The following SCFD2 variants were observed in gnomAD, a reference collection of about 807,000 sequenced individuals.
SCFD2 encodes the protein sec1 family domain containing 2.
Under a neutral mutation model 58.9 loss-of-function variants are expected in SCFD2, and 54 were observed. The ratio of observed to expected loss-of-function variants is 0.92; its 90% CI spans 0.74 to 1.15. The LOEUF (loss-of-function observed/expected upper bound fraction) is 1.15. SCFD2 is among the 50% of genes most tolerant of loss of function. The pLI is 0.00. For synonymous variants in SCFD2, 321 were observed against 335.9 expected (o/e 0.96, Z 0.49); for missense variants, 805 against 836.6 (o/e 0.96, Z 0.47).
chr4:53,232,692 T>A (rs1729475907), intron 4 of SCFD2, among the ~76,000 whole-genome samples: 1 of 152,208 alleles, frequency 6.6e-6, no homozygotes, highest in Middle Eastern at 3.2e-3. Flanking sequence ...AAGAAAGAGC[T>A]GAGGAAAGCC....
chr4:53,036,823 C>T (rs1284887474), intron 5 of SCFD2, among the ~76,000 whole-genome samples: 1 of 152,050 alleles, frequency 6.6e-6, no homozygotes, highest in Non-Finnish European at 1.5e-5. Flanking sequence ...GCACATGTAT[C>T]CCAAAACTTA....
In SCFD2 at chr4:53,342,340, A is replaced by G. The variant is rs1733907070; in HGVS notation, c.1007+10258T>C. ...TGGATAAAACAGACTTTAAACCAAC[A>G]AAGATCAAAAGAGACAAAGAAGGCC... On this transcript the variant is annotated intron_variant, in intron 2 of 8. Coordinates refer to ENST00000401642, the MANE Select transcript of SCFD2 (RefSeq NM_152540.4). 5.3e-5 allele frequency among the ~76,000 whole-genome samples: 8 copies of G among 152,336 alleles called. 1 individual carries two copies. The South Asian group carries it at 1.4e-3, about 28-fold the overall frequency.
At chr4:53,014,996 C>T (rs148184382) in intron 5 of SCFD2, among the ~76,000 whole-genome samples, 260 of 152,238 alleles carry the variant, frequency 1.7e-3, no homozygotes, top group Non-Finnish European at 2.6e-3. Flanking sequence ...TGGTGTAGTA[C>T]TTAGTAGCAG....
chr4:53,287,153 G>A (rs1014290417), intron 3 of SCFD2, among the ~76,000 whole-genome samples: 1 of 152,080 alleles, frequency 6.6e-6, no homozygotes, highest in Non-Finnish European at 1.5e-5. Context: ...CCAACTTTGT[G>A]GGAGAGTTTC....
intron 4 of SCFD2, among the ~76,000 whole-genome samples, chr4:53,255,184 CT>C (rs879843773): frequency 2.6e-3 from 303 of 114,502 alleles, no homozygotes; most frequent in Non-Finnish European, 3.7e-3. Flanking sequence ...ACTTCCTATT[CT>C]TTTTTTTTCT....
chr4:53,009,117 C>T (rs1275356218), intron 5 of SCFD2, among the ~76,000 whole-genome samples: 3 of 152,182 alleles, frequency 2.0e-5, no homozygotes, highest in Admixed American at 6.5e-5. Context: ...ATTCCTACTA[C>T]TTGCAAACTA....
At chr4:53,283,812 A>T (rs551944547) in intron 3 of SCFD2, among the ~76,000 whole-genome samples, 10 of 152,148 alleles carry the variant, frequency 6.6e-5, no homozygotes, top group African/African-American at 2.4e-4. Flanking sequence ...CCGTAACGTA[A>T]CATAATTTTA....
intron 4 of SCFD2, among the ~76,000 whole-genome samples, chr4:53,236,835 TATTTATTTATTTA>T (rs893913188): frequency 1.3e-4 from 19 of 140,968 alleles, no homozygotes; most frequent in South Asian, 9.1e-4. Context: ...TTTATTTATT[TATTTATTTATTTA>T]TTTATTTTTT....
At chr4:53,132,214 A>G (rs1215390019) in intron 5 of SCFD2, among the ~76,000 whole-genome samples, 2 of 152,260 alleles carry the variant, frequency 1.3e-5, no homozygotes, top group African/African-American at 4.8e-5. Context: ...TGTATTAAAC[A>G]TCTTAAACTT....
intron 5 of SCFD2, among the ~76,000 whole-genome samples, chr4:53,123,145 A>G (rs187802938): frequency 6.6e-6 from 1 of 152,264 alleles, no homozygotes; most frequent in East Asian, 1.9e-4. Context: ...GGATATTTAC[A>G]GTTTTCATTT....
chr4:53,196,843 A>G (rs1728073803), intron 4 of SCFD2, among the ~76,000 whole-genome samples: 1 of 152,156 alleles, frequency 6.6e-6, no homozygotes, highest in African/African-American at 2.4e-5. Flanking sequence ...TACTCAATGC[A>G]AAAGAATACA....
At chr4:53,091,229 G>A (rs556648291) in intron 5 of SCFD2, among the ~76,000 whole-genome samples, 13 of 152,184 alleles carry the variant, frequency 8.5e-5, no homozygotes, top group Admixed American at 2.6e-4. Context: ...AGGAGACAGT[G>A]AGGAGATACA....
intron 1 of SCFD2, among the ~76,000 whole-genome samples, chr4:53,360,063 T>G (rs1164219617): frequency 6.6e-6 from 1 of 152,324 alleles, no homozygotes; most frequent in East Asian, 1.9e-4. Flanking sequence ...TGGTGACTTG[T>G]GGTCTTAATA....
chr4:53,120,590 T>C (rs1346299168), intron 5 of SCFD2, among the ~76,000 whole-genome samples: 11 of 152,144 alleles, frequency 7.2e-5, no homozygotes, highest in Non-Finnish European at 1.0e-4. Context: ...ATCAAATGTC[T>C]CTGGGGCACA....
At chr4:52,938,873 C>T (rs960909907) in intron 5 of SCFD2, among the ~76,000 whole-genome samples, 4 of 152,118 alleles carry the variant, frequency 2.6e-5, no homozygotes, top group East Asian at 1.9e-4. Flanking sequence ...TCTCCTCTTC[C>T]GTGTGTGGTA....
intron 5 of SCFD2, among the ~76,000 whole-genome samples, chr4:53,006,373 A>G (rs1721971296): frequency 6.6e-6 from 1 of 152,134 alleles, no homozygotes; most frequent in African/African-American, 2.4e-5. Context: ...CAAACTTCAC[A>G]CCATTGGGCC....
chr4:53,081,608 A>C (rs2148858304), intron 5 of SCFD2, among the ~76,000 whole-genome samples: 1 of 152,288 alleles, frequency 6.6e-6, no homozygotes, highest in South Asian at 2.1e-4. Flanking sequence ...TTGCTTTATC[A>C]GGATGACTTT....
At chr4:53,204,124 C>G (rs977107004) in intron 4 of SCFD2, among the ~76,000 whole-genome samples, 1 of 152,076 alleles carries the variant, frequency 6.6e-6, no homozygotes, top group East Asian at 1.9e-4. Context: ...TCCAACAAAC[C>G]TCATTCTATA....
At chr4:53,330,617 A>G (rs1319005790) in intron 2 of SCFD2, among the ~76,000 whole-genome samples, 2 of 152,150 alleles carry the variant, frequency 1.3e-5, no homozygotes, top group East Asian at 3.8e-4. Flanking sequence ...GAAAGGAACA[A>G]CCAGTACCAG....
Sources: allele counts gnomAD v4.1 joint callset (sites outside exome capture counted in the v4.1 genomes callset), GRCh38; gene constraint gnomAD v4.1.1; transcripts MANE v1.5; gene names NCBI Gene and HGNC (gene_info 2026-07-23, HGNC 2026-07-21).